The following LOC728743 variants were observed in gnomAD, a reference collection of about 807,000 sequenced individuals.
At chr7:150,405,398 G>A in the LOC728743 span, 3 of 152,266 alleles carry the variant, frequency 2.0e-5, no homozygotes, top group African/African-American at 7.2e-5. Flanking sequence ...CCTCGGGGGC[G>A]GGTCACTGCG....
the LOC728743 span, among the ~76,000 whole-genome samples, chr7:150,403,220 A>T: frequency 6.6e-6 from 1 of 152,112 alleles, no homozygotes; most frequent in African/African-American, 2.4e-5. This position sits in a 1 kb window ranked among gnomAD's most constrained non-coding sequence, Gnocchi z 5.1. Flanking sequence ...TGTGCACGAA[A>T]CTAGAGAAGT....
the LOC728743 span, among the ~76,000 whole-genome samples, chr7:150,406,526 A>G: frequency 6.6e-6 from 1 of 152,132 alleles, no homozygotes; most frequent in East Asian, 1.9e-4. Flanking sequence ...CAGGAGACTT[A>G]AGGCCTAGTC....
the LOC728743 span, among the ~76,000 whole-genome samples, chr7:150,406,909 C>T: frequency 1.3e-5 from 2 of 152,204 alleles, no homozygotes; most frequent in African/African-American, 2.4e-5. Context: ...AGAGCTGCCG[C>T]CTTTAATGTT....
chr7:150,402,323 C>A, the LOC728743 span, among the ~76,000 whole-genome samples: 1 of 152,216 alleles, frequency 6.6e-6, no homozygotes, highest in Non-Finnish European at 1.5e-5. Flanking sequence ...TCACGCTGAG[C>A]CTCACATCTC....
At chr7:150,409,494 C>G in the LOC728743 span, among the ~76,000 whole-genome samples, 1 of 152,206 alleles carries the variant, frequency 6.6e-6, no homozygotes, top group Non-Finnish European at 1.5e-5. Flanking sequence ...AGCCTTTTGG[C>G]AGATGAGGAA....
the LOC728743 span, chr7:150,405,349 G>A: frequency 6.6e-6 from 1 of 152,386 alleles, no homozygotes; most frequent in Admixed American, 6.5e-5. Context: ...CTGGGGCCGC[G>A]GCGGGAGGTT....
At chr7:150,410,089 C>G in the LOC728743 span, 1 of 398,532 alleles carries the variant, frequency 2.5e-6, no homozygotes, top group Admixed American at 4.4e-5. Flanking sequence ...CTCCTAGCCC[C>G]AGAGGGGTGG....
chr7:150,410,734 C>T, the LOC728743 span: 5 of 152,264 alleles, frequency 3.3e-5, no homozygotes, highest in Non-Finnish European at 5.9e-5. Context: ...AGATAACTGA[C>T]GTAGACTCAA....
chr7:150,405,501 C>T, the LOC728743 span: 1 of 150,490 alleles, frequency 6.6e-6, no homozygotes, highest in Non-Finnish European at 1.5e-5. Context: ...GGTTGCGTGG[C>T]TCCGCGGGGG....
At chr7:150,402,842 C>T in the LOC728743 span, among the ~76,000 whole-genome samples, 1 of 152,184 alleles carries the variant, frequency 6.6e-6, no homozygotes, top group Non-Finnish European at 1.5e-5. Context: ...TGTTTGTCCA[C>T]CTGTTGTGCC....
the LOC728743 span, chr7:150,405,130 C>T: frequency 6.6e-6 from 1 of 152,230 alleles, no homozygotes; most frequent in South Asian, 2.1e-4. Context: ...GACGTTCAGG[C>T]CCCGGAACCG....
At chr7:150,405,117 TG>T in the LOC728743 span, 1 of 152,228 alleles carries the variant, frequency 6.6e-6, no homozygotes, top group East Asian at 1.9e-4. Flanking sequence ...GCCCGCTCCG[TG>T]GGACGTTCAG....
chr7:150,408,424 C>A, the LOC728743 span: 89 of 352,444 alleles, frequency 2.5e-4, no homozygotes, highest in African/African-American at 1.6e-3. Context: ...CTCTGGCTGG[C>A]TGCGCACAGC....
chr7:150,404,141 C>A, the LOC728743 span, among the ~76,000 whole-genome samples: 19 of 152,248 alleles, frequency 1.2e-4, no homozygotes, highest in African/African-American at 4.3e-4. Context: ...GAGAGAGAGT[C>A]GCGTTTCTCC....
the LOC728743 span, among the ~76,000 whole-genome samples, chr7:150,403,429 A>G: frequency 6.6e-6 from 1 of 152,166 alleles, no homozygotes. The surrounding 1 kb of genome is among the most constrained non-coding windows in gnomAD (Gnocchi z 5.1). Context: ...AAAATATGGG[A>G]GACATCCTCA....
chr7:150,402,466 T>G, the LOC728743 span, among the ~76,000 whole-genome samples: 1 of 152,244 alleles, frequency 6.6e-6, no homozygotes, highest in African/African-American at 2.4e-5. Context: ...CTGCGCCGCC[T>G]GAGCTATTAG....
chr7:150,403,186 G>C, the LOC728743 span, among the ~76,000 whole-genome samples: 1 of 152,098 alleles, frequency 6.6e-6, no homozygotes, highest in South Asian at 2.1e-4. The surrounding 1 kb of genome is among the most constrained non-coding windows in gnomAD (Gnocchi z 5.1). Flanking sequence ...GGGAACCTTG[G>C]GGGAGACAGG....
At chr7:150,401,471 T>G in the LOC728743 span, among the ~76,000 whole-genome samples, 1 of 152,126 alleles carries the variant, frequency 6.6e-6, no homozygotes, top group Non-Finnish European at 1.5e-5. Flanking sequence ...TTTTGTTACT[T>G]TTTAGTGGTT....
the LOC728743 span, among the ~76,000 whole-genome samples, chr7:150,401,337 C>T: frequency 2.0e-4 from 30 of 152,278 alleles, no homozygotes; most frequent in African/African-American, 6.7e-4. Context: ...AGCTGCCTGA[C>T]GGAGGGTAGA....
Sources: allele counts gnomAD v4.1 joint callset (sites outside exome capture counted in the v4.1 genomes callset), GRCh38; gene constraint gnomAD v4.1.1; non-coding constraint Gnocchi (gnomAD v3.1); transcripts MANE v1.5.